Variants in SCAI observed in about 807,000 individuals in gnomAD.
SCAI encodes protein SCAI.
Under a neutral mutation model 92.2 loss-of-function variants are expected in SCAI, and 24 were observed. The observed-to-expected ratio is 0.26, with a 90% CI of 0.19 to 0.37. The LOEUF is 0.37. Among genes scored for constraint, SCAI ranks in the 10% least tolerant of loss-of-function variants. The probability of loss-of-function intolerance (pLI) is 1.00; values close to 1 mark genes in which losing one functional copy is unlikely to be tolerated. For missense variants in SCAI, 450 were observed against 736.2 expected, an observed-to-expected ratio of 0.61 and a Z score of 4.50; for synonymous variants, 261 against 258.6, an observed-to-expected ratio of 1.01 and a Z score of -0.09.
chr9:125,065,852 G>A (rs1405712503), intron 2 of SCAI: 1 of 579,468 alleles, frequency 1.7e-6, no homozygotes, highest in Non-Finnish European at 3.1e-6. Flanking sequence ...CTCAACAGAT[G>A]CACAACTCAC....
At position 125,030,001 on chromosome 9, in the gene SCAI, C is replaced by T. The variant is rs1359062325; in HGVS notation, c.231-262G>A. Among the ~76,000 whole-genome samples the T allele has an allele frequency of 2.6e-5, 4 of 152,326 alleles. No homozygotes were observed. The East Asian group carries it at 7.7e-4, about 29-fold the overall frequency. On this transcript the variant is annotated intron_variant, in intron 3 of 17. Coordinates refer to ENST00000336505, the MANE Select transcript of SCAI (RefSeq NM_001144877.3). ...TCTCCCATGAGGTTTCTGGTCCTCT[C>T]TTCCCTCTCCCTCGGTGATCTTATT...
chr9:125,135,228 C>G (rs924411951), intron 2 of SCAI, among the ~76,000 whole-genome samples: 1 of 152,208 alleles, frequency 6.6e-6, no homozygotes, highest in Non-Finnish European at 1.5e-5. Flanking sequence ...GTTCTTATCT[C>G]AAACTGTCTT....
chr9:125,058,637 C>A (rs1833717508), intron 2 of SCAI, among the ~76,000 whole-genome samples: 1 of 152,194 alleles, frequency 6.6e-6, no homozygotes, highest in Non-Finnish European at 1.5e-5. Flanking sequence ...GTAATTCTAT[C>A]TACTGAGAGC....
chr9:124,983,960 G>A (rs899886124), intron 14 of SCAI, among the ~76,000 whole-genome samples: 8 of 152,180 alleles, frequency 5.3e-5, no homozygotes, highest in Non-Finnish European at 1.0e-4. Flanking sequence ...CACATAAAAT[G>A]CTTAGAACAG....
intron 2 of SCAI, among the ~76,000 whole-genome samples, chr9:125,125,688 C>G (rs1361604836): frequency 6.6e-6 from 1 of 151,028 alleles, no homozygotes; most frequent in Non-Finnish European, 1.5e-5. Context: ...AAAAATCAGC[C>G]ACGCATGGTG....
chr9:124,953,432 G>C (rs1204231678), intron 17 of SCAI, among the ~76,000 whole-genome samples: 1 of 151,984 alleles, frequency 6.6e-6, no homozygotes, highest in Admixed American at 6.6e-5. Flanking sequence ...TTTGAGACCA[G>C]CCTGGCCAAC....
chr9:124,971,347 CT>C, intron 17 of SCAI, 22 bp downstream of exon 17: 1 of 1,412,384 alleles, frequency 7.1e-7, no homozygotes, highest in Non-Finnish European at 9.9e-7. Context: ...TAAAATTCGT[CT>C]TTAATAATGT....
At chr9:125,088,549 T>C (rs1015330221) in intron 2 of SCAI, among the ~76,000 whole-genome samples, 4 of 152,208 alleles carry the variant, frequency 2.6e-5, no homozygotes, top group Non-Finnish European at 5.9e-5. Flanking sequence ...GCTATAGTAC[T>C]ATGAGTCAAC....
chr9:125,009,434 T>A (rs1440982916), intron 9 of SCAI, among the ~76,000 whole-genome samples: 2 of 152,066 alleles, frequency 1.3e-5, no homozygotes, highest in Non-Finnish European at 2.9e-5. Context: ...CATGCCTGAC[T>A]AATTTTTGTA....
At chr9:125,009,550 G>T (rs1481334936) in intron 9 of SCAI, among the ~76,000 whole-genome samples, 1 of 151,996 alleles carries the variant, frequency 6.6e-6, no homozygotes, top group East Asian at 1.9e-4. Flanking sequence ...GAGCCACCAT[G>T]CCCAAAGGCA....
intron 2 of SCAI, among the ~76,000 whole-genome samples, chr9:125,122,616 C>T (rs1381198778): frequency 7.9e-6 from 1 of 125,928 alleles, no homozygotes; most frequent in South Asian, 2.6e-4. Context: ...AAAAAAAAAG[C>T]TGGTTGTGCA....
At chr9:125,141,526 T>C (rs1835665611) in intron 2 of SCAI, among the ~76,000 whole-genome samples, 1 of 152,224 alleles carries the variant, frequency 6.6e-6, no homozygotes, top group Non-Finnish European at 1.5e-5. Context: ...TATATCTTCA[T>C]CTCCATTACT....
At position 125,013,146 on chromosome 9, in the gene SCAI, A is replaced by G. The variant is rs1473409652; in HGVS notation, c.861+5653T>C. On this transcript the variant is annotated intron_variant, in intron 9 of 17. Transcript: ENST00000336505. ...TAGAAAAGCGAGAGCAAACACATTC[A>G]AAAGCTAGCAGAAGGCAAGAAATAA... 2.0e-5 allele frequency among the ~76,000 whole-genome samples: 3 copies of G among 152,160 alleles called. No homozygotes were observed. In the East Asian group the frequency reaches 5.8e-4, roughly 29 times the overall value.
intron 2 of SCAI, among the ~76,000 whole-genome samples, chr9:125,104,975 AAT>A (rs1415041103): frequency 4.0e-5 from 6 of 151,570 alleles, no homozygotes; most frequent in Non-Finnish European, 5.9e-5. Flanking sequence ...AAAAAAAAAA[AAT>A]TTAGTGTCAA....
intron 7 of SCAI, among the ~76,000 whole-genome samples, chr9:125,020,335 A>C (rs752730826): frequency 6.6e-6 from 1 of 152,206 alleles, no homozygotes; most frequent in Non-Finnish European, 1.5e-5. Flanking sequence ...GTAAAGCATT[A>C]TGTACTTTTT....
intron 9 of SCAI, among the ~76,000 whole-genome samples, chr9:125,011,587 G>C (rs1832641668): frequency 6.6e-6 from 1 of 152,212 alleles, no homozygotes; most frequent in South Asian, 2.1e-4. Flanking sequence ...AGGGAGAATG[G>C]AACCAAGTTG....
intron 2 of SCAI, among the ~76,000 whole-genome samples, chr9:125,102,357 G>A (rs1834695118): frequency 6.6e-6 from 1 of 152,098 alleles, no homozygotes; most frequent in African/African-American, 2.4e-5. Context: ...AAATCGGTAA[G>A]AGGCCATTAG....
At chr9:124,963,757 CAAAAAAAAA>C (rs36017738) in intron 17 of SCAI, among the ~76,000 whole-genome samples, 1 of 52,288 alleles carries the variant, frequency 1.9e-5, no homozygotes, top group African/African-American at 8.0e-5. Context: ...GAATCTGTCT[CAAAAAAAAA>C]AAAAAAAAAA....
chr9:125,044,707 C>T (rs1833400140), intron 3 of SCAI, among the ~76,000 whole-genome samples: 1 of 152,176 alleles, frequency 6.6e-6, no homozygotes, highest in African/African-American at 2.4e-5. Flanking sequence ...CCTTGCTCGC[C>T]ACGTTGTAGG....
Sources: gnomAD v4.1 joint callset for allele counts (sites outside exome capture counted in the v4.1 genomes callset) on GRCh38, gnomAD v4.1.1 for gene constraint, MANE v1.5 for transcripts, NCBI Gene and HGNC (gene_info 2026-07-23, HGNC 2026-07-21) for gene names.